The following FMN1 variants were observed in gnomAD, a reference collection of about 807,000 sequenced individuals.
The protein encoded by FMN1 is formin-1.
Under a neutral mutation model 132.4 loss-of-function variants are expected in FMN1, and 110 were observed. The ratio of observed to expected loss-of-function variants is 0.83; its 90% confidence interval spans 0.71 to 0.97. The LOEUF is 0.97. Ranked by LOEUF, FMN1 falls within the 50% of genes least tolerant of loss-of-function variation. The pLI is 0.00. For missense variants in FMN1, 1,792 were observed against 1,705.3 expected, an observed-to-expected ratio of 1.05 and a Z score of -0.90; for synonymous variants, 722 against 651.7, an observed-to-expected ratio of 1.11 and a Z score of -1.64.
chr15:33,180,837 C>T (rs897734172), intron 2 of FMN1, among the ~76,000 whole-genome samples: 2 of 151,894 alleles, frequency 1.3e-5, no homozygotes, highest in Non-Finnish European at 2.9e-5. Flanking sequence ...GCAACCTCCC[C>T]CTCCAGGGTT....
At chr15:33,051,851 TATAAAACCCCAAGTCAAAGGTCAAACAC>T (rs1263891002) in intron 6 of FMN1, among the ~76,000 whole-genome samples, 3 of 152,174 alleles carry the variant, frequency 2.0e-5, no homozygotes, top group African/African-American at 4.8e-5. Flanking sequence ...CATACCAACA[TATAAAACCCCAAGTCAAAGGTCAAACAC>T]TGCACTTGAT....
intron 9 of FMN1, among the ~76,000 whole-genome samples, chr15:32,959,507 C>T (rs2030256312): frequency 6.6e-6 from 1 of 152,178 alleles, no homozygotes; most frequent in African/African-American, 2.4e-5. Flanking sequence ...AAACTCTAAG[C>T]TGCATATTAC....
intron 3 of FMN1, among the ~76,000 whole-genome samples, chr15:33,165,634 G>A (rs1453855425): frequency 2.0e-5 from 3 of 152,080 alleles, no homozygotes; most frequent in Admixed American, 6.6e-5. Context: ...CTGATGATCC[G>A]CCTGCCTCGG....
At chr15:32,854,868 C>T (rs566552121) in intron 17 of FMN1, among the ~76,000 whole-genome samples, 10 of 151,188 alleles carry the variant, frequency 6.6e-5, no homozygotes, top group South Asian at 2.1e-4. Flanking sequence ...GAGCCGAGAT[C>T]GCACCACTGC....
chr15:33,006,903 T>C (rs2034448137), intron 7 of FMN1, among the ~76,000 whole-genome samples: 1 of 151,538 alleles, frequency 6.6e-6, no homozygotes, highest in Non-Finnish European at 1.5e-5. Flanking sequence ...GGGTGAAAAG[T>C]GGGGAAGGAT....
chr15:32,836,390 G>A (rs2058628109), intron 17 of FMN1, among the ~76,000 whole-genome samples: 1 of 152,120 alleles, frequency 6.6e-6, no homozygotes, highest in African/African-American at 2.4e-5. Context: ...TTATTTAGGA[G>A]GATAGTATAG....
intron 16 of FMN1, among the ~76,000 whole-genome samples, chr15:32,858,557 ATTGT>A (rs1052517425): frequency 2.0e-5 from 3 of 152,346 alleles, no homozygotes; most frequent in African/African-American, 7.2e-5. Context: ...ATCTATTGAC[ATTGT>A]TTCTTAAAGA....
intron 4 of FMN1, among the ~76,000 whole-genome samples, chr15:33,116,179 G>GA (rs754483142): frequency 2.6e-5 from 4 of 152,126 alleles, no homozygotes; most frequent in African/African-American, 4.8e-5. Flanking sequence ...CATTTATACA[G>GA]AAAAAAGATG....
chr15:32,920,999 C>T (rs575382874), intron 10 of FMN1, among the ~76,000 whole-genome samples: 2 of 152,312 alleles, frequency 1.3e-5, no homozygotes, highest in Non-Finnish European at 2.9e-5. Flanking sequence ...GGGTGCCAGA[C>T]ACAGGTGCAA....
At chr15:32,938,150 A>C (rs2061322342) in intron 9 of FMN1, among the ~76,000 whole-genome samples, 1 of 152,110 alleles carries the variant, frequency 6.6e-6, no homozygotes, top group Admixed American at 6.5e-5. Flanking sequence ...CATTACTGAC[A>C]ACTTCCTTGT....
At chr15:32,807,346 C>T (rs2057717906) in intron 17 of FMN1, among the ~76,000 whole-genome samples, 1 of 152,206 alleles carries the variant, frequency 6.6e-6, no homozygotes, top group Non-Finnish European at 1.5e-5. Flanking sequence ...CCCCCATACT[C>T]TTGGCAGGAA....
chr15:32,787,128 A>G (rs1869036), intron 19 of FMN1, among the ~76,000 whole-genome samples: 58,419 of 152,108 alleles, frequency 0.38, 11,928 homozygotes, highest in African/African-American at 0.53. Context: ...TGAAATAAGT[A>G]AAGTCACTCC....
chr15:32,942,359 C>T (rs1252925994), intron 9 of FMN1, among the ~76,000 whole-genome samples: 2 of 152,168 alleles, frequency 1.3e-5, no homozygotes, highest in Admixed American at 6.5e-5. Context: ...AAAAGTTCTG[C>T]CAGACAGGCT....
chr15:32,949,073 GTC>G (rs2140482735), intron 9 of FMN1, among the ~76,000 whole-genome samples: 1 of 151,556 alleles, frequency 6.6e-6, no homozygotes, highest in South Asian at 2.1e-4. Flanking sequence ...CATCCTATGA[GTC>G]TTATCAGTAT....
chr15:33,120,406 A>G (rs560200471), intron 4 of FMN1, among the ~76,000 whole-genome samples: 2 of 152,222 alleles, frequency 1.3e-5, no homozygotes, highest in South Asian at 4.1e-4. Context: ...GTGTTTACAG[A>G]GTGGTTAGCT....
At chr15:32,972,850 A>T (rs1309877901) in intron 7 of FMN1, among the ~76,000 whole-genome samples, 1 of 152,200 alleles carries the variant, frequency 6.6e-6, no homozygotes, top group African/African-American at 2.4e-5. Flanking sequence ...CAGATCCAAC[A>T]GGTTGGAAAG....
At chr15:33,056,162 C>T (rs2037207272) in intron 6 of FMN1, among the ~76,000 whole-genome samples, 1 of 152,156 alleles carries the variant, frequency 6.6e-6, no homozygotes, top group African/African-American at 2.4e-5. Flanking sequence ...ACATAGAATC[C>T]AGATATGCCC....
At chr15:33,056,763 T>C (rs528569371) in intron 6 of FMN1, among the ~76,000 whole-genome samples, 6 of 152,288 alleles carry the variant, frequency 3.9e-5, no homozygotes, top group Admixed American at 6.5e-5. Flanking sequence ...TGGAATACTA[T>C]AGGGGAATGA....
chr15:33,122,582 A>T (rs547019132), intron 4 of FMN1, among the ~76,000 whole-genome samples: 1 of 152,338 alleles, frequency 6.6e-6, no homozygotes, highest in East Asian at 1.9e-4. Flanking sequence ...CACCTTCTAA[A>T]CAGTACCACT....
Sources: allele counts gnomAD v4.1 joint callset (sites outside exome capture counted in the v4.1 genomes callset), GRCh38; gene constraint gnomAD v4.1.1; transcripts MANE v1.5; gene names NCBI Gene and HGNC (gene_info 2026-07-23, HGNC 2026-07-21).